The following NCKAP5 variants were observed in gnomAD, a reference collection of about 807,000 sequenced individuals.
NCKAP5 encodes NCK associated protein 5, also known as nck-associated protein 5.
A neutral mutation model predicts 167.0 loss-of-function variants in NCKAP5; 92 were observed. The observed-to-expected ratio is 0.55, with a 90% CI of 0.47 to 0.66. NCKAP5 has a LOEUF of 0.66. NCKAP5 is among the 30% of genes least tolerant of loss of function. The pLI is 0.00. For missense variants in NCKAP5, 2,378 were observed against 2,315.0 expected (o/e 1.03, Z -0.56); for synonymous variants, 891 against 877.4 (o/e 1.02, Z -0.27).
Position 133,510,381 on chromosome 2 carries a change from A to G in NCKAP5, c.69+7077T>C, listed in dbSNP as rs544993452. 4.0e-4 allele frequency among the ~76,000 whole-genome samples: 48 copies of G among 120,582 alleles called. 1 individual carries two copies. The highest frequency in any genetic ancestry group is 6.0e-4 in the Non-Finnish European group (37 of 62,156). 79.1% of individuals were successfully genotyped at this position (120,582 alleles called of 152,430 possible). On this transcript the variant is annotated intron_variant, in intron 3 of 19. Transcript: ENST00000409261. The stretch of plus-strand genomic sequence containing the variant: ...AACACAAAATTGTATATATATGGGT[A>G]TGTGTGTACACACACACATGCACGT...
At chr2:132,717,874 T>G (rs1365523236) in intron 19 of NCKAP5, among the ~76,000 whole-genome samples, 1 of 152,164 alleles carries the variant, frequency 6.6e-6, no homozygotes. Context: ...ACCTGACCAT[T>G]GCATTTTGAG....
At chr2:132,701,869 C>T (rs1014227995) in intron 19 of NCKAP5, among the ~76,000 whole-genome samples, 2 of 152,120 alleles carry the variant, frequency 1.3e-5, no homozygotes, top group Non-Finnish European at 2.9e-5. Flanking sequence ...GAGGACAGCA[C>T]TGGGTTCCCA....
intron 6 of NCKAP5, among the ~76,000 whole-genome samples, chr2:133,052,439 C>T (rs532704303): frequency 6.6e-6 from 1 of 152,058 alleles, no homozygotes; most frequent in South Asian, 2.1e-4. Context: ...GAGTTTGGGC[C>T]GGGCACGGTG....
chr2:133,407,912 A>T (rs1426669614), intron 3 of NCKAP5, among the ~76,000 whole-genome samples: 1 of 152,158 alleles, frequency 6.6e-6, no homozygotes, highest in Non-Finnish European at 1.5e-5. Flanking sequence ...AACAGATAGG[A>T]AAGTCTCACG....
intron 6 of NCKAP5, among the ~76,000 whole-genome samples, chr2:133,033,987 A>C (rs980628046): frequency 6.6e-6 from 1 of 152,196 alleles, no homozygotes; most frequent in African/African-American, 2.4e-5. Flanking sequence ...CCAAACCTAA[A>C]GAAATGTATC....
chr2:133,226,264 A>T (rs927948433), intron 4 of NCKAP5, among the ~76,000 whole-genome samples: 16 of 152,130 alleles, frequency 1.1e-4, no homozygotes, highest in African/African-American at 3.6e-4. Flanking sequence ...TTTAGGCTAA[A>T]TTGGAAATGC....
intron 11 of NCKAP5, among the ~76,000 whole-genome samples, chr2:132,851,935 AT>A (rs1488810288): frequency 6.6e-6 from 1 of 152,048 alleles, no homozygotes; most frequent in African/African-American, 2.4e-5. Flanking sequence ...AGGTTACTTA[AT>A]CTTTTCGTGC....
intron 3 of NCKAP5, among the ~76,000 whole-genome samples, chr2:133,448,024 T>C (rs1415679070): frequency 6.6e-6 from 1 of 152,076 alleles, no homozygotes; most frequent in African/African-American, 2.4e-5. Context: ...ATTAAACATG[T>C]CATAAATAGG....
chr2:133,045,820 G>A (rs1162761208), intron 6 of NCKAP5, among the ~76,000 whole-genome samples: 1 of 152,174 alleles, frequency 6.6e-6, no homozygotes, highest in Non-Finnish European at 1.5e-5. Flanking sequence ...TTGTGATGAT[G>A]TGAGATGACA....
intron 16 of NCKAP5, among the ~76,000 whole-genome samples, chr2:132,748,167 C>G (rs1403878362): frequency 6.6e-6 from 1 of 152,162 alleles, no homozygotes; most frequent in African/African-American, 2.4e-5. Context: ...GTTTTAGTAG[C>G]TCCATACTAG....
the NCKAP5 span, among the ~76,000 whole-genome samples, chr2:133,579,326 A>G: frequency 6.6e-6 from 1 of 152,314 alleles, no homozygotes; most frequent in African/African-American, 2.4e-5. Flanking sequence ...TACTCTGACT[A>G]TAGACTTATA....
intron 7 of NCKAP5, among the ~76,000 whole-genome samples, chr2:132,973,225 G>T (rs1208576793): frequency 1.3e-5 from 2 of 152,294 alleles, no homozygotes; most frequent in South Asian, 2.1e-4. Flanking sequence ...TGGCAGAGGG[G>T]ATAGGCAGTA....
At chr2:133,167,610 T>C (rs1320672189) in intron 5 of NCKAP5, among the ~76,000 whole-genome samples, 1 of 152,204 alleles carries the variant, frequency 6.6e-6, no homozygotes, top group Non-Finnish European at 1.5e-5. Context: ...CCTGGTCTCC[T>C]GATTCCAAAT....
intron 3 of NCKAP5, among the ~76,000 whole-genome samples, chr2:133,505,386 T>TATAG (rs879411254): frequency 6.6e-6 from 1 of 152,126 alleles, no homozygotes; most frequent in East Asian, 1.9e-4. Flanking sequence ...TATATATATA[T>TATAG]GTAAACCAAA....
chr2:132,781,806 A>G, intron 14 of NCKAP5, 134 bp downstream of exon 14: 1 of 745,096 alleles, frequency 1.3e-6, no homozygotes, highest in Non-Finnish European at 2.1e-6. Flanking sequence ...AATGTATAAA[A>G]GACTGCTACT....
At chr2:132,747,273 G>A (rs77063351) in intron 16 of NCKAP5, among the ~76,000 whole-genome samples, 2,785 of 152,008 alleles carry the variant, frequency 0.018, 81 homozygotes, top group African/African-American at 0.064. Flanking sequence ...CAGGGTACAC[G>A]CTTGAATAAT....
intron 6 of NCKAP5, among the ~76,000 whole-genome samples, chr2:133,012,740 C>T (rs1282749155): frequency 6.6e-6 from 1 of 152,108 alleles, no homozygotes. Context: ...ATGGCCACAC[C>T]CCTGTTTAGG....
intron 4 of NCKAP5, among the ~76,000 whole-genome samples, chr2:133,218,457 T>C (rs778586327): frequency 7.7e-4 from 117 of 152,164 alleles, no homozygotes; most frequent in Non-Finnish European, 1.3e-3. Flanking sequence ...AAAAGGCAAA[T>C]ATCATCTTAG....
At chr2:133,658,364 A>G in the NCKAP5 span, among the ~76,000 whole-genome samples, 3 of 152,228 alleles carry the variant, frequency 2.0e-5, no homozygotes, top group East Asian at 3.9e-4. Flanking sequence ...GTTCCTGACT[A>G]CATGGAGATT....
Sources: gnomAD v4.1 joint callset for allele counts (sites outside exome capture counted in the v4.1 genomes callset) on GRCh38, gnomAD v4.1.1 for gene constraint, MANE v1.5 for transcripts, NCBI Gene and HGNC (gene_info 2026-07-23, HGNC 2026-07-21) for gene names.